Variants in SUPT3H observed in about 807,000 individuals in gnomAD.
SUPT3H encodes the protein transcription initiation protein SPT3 homolog.
A neutral mutation model predicts 44.3 loss-of-function variants in SUPT3H; 44 were observed. The observed-to-expected ratio is 0.99, with a 90% CI of 0.78 to 1.28. The LOEUF (loss-of-function observed/expected upper bound fraction) is 1.28. Ranked by LOEUF, SUPT3H falls within the 50% of genes most tolerant of loss-of-function variation. The pLI is 0.00. For missense variants in SUPT3H, 380 were observed against 387.1 expected (o/e 0.98, Z 0.15); for synonymous variants, 124 against 125.6 (o/e 0.99, Z 0.09).
At chr6:44,902,189 T>C (rs1379693079) in intron 10 of SUPT3H, among the ~76,000 whole-genome samples, 1 of 152,174 alleles carries the variant, frequency 6.6e-6, no homozygotes, top group Non-Finnish European at 1.5e-5. Flanking sequence ...ACCTTAAATG[T>C]AAATGGGCTA....
At chr6:44,943,195 T>G (rs76606944) in intron 9 of SUPT3H, among the ~76,000 whole-genome samples, 1 of 150,580 alleles carries the variant, frequency 6.6e-6, no homozygotes, top group Non-Finnish European at 1.5e-5. Context: ...CTATAAAAAA[T>G]CAAATAGAAA....
chr6:45,037,700 A>T (rs1188502692), intron 3 of SUPT3H, among the ~76,000 whole-genome samples: 3 of 151,278 alleles, frequency 2.0e-5, no homozygotes, highest in Non-Finnish European at 4.4e-5. Context: ...TAAAAAAATG[A>T]AAGAAATATA....
intron 2 of SUPT3H, among the ~76,000 whole-genome samples, chr6:45,330,824 A>G (rs1431966969): frequency 6.6e-6 from 1 of 151,876 alleles, no homozygotes; most frequent in African/African-American, 2.4e-5. Context: ...TGAATAGAGA[A>G]CTTAACATCA....
intron 2 of SUPT3H, among the ~76,000 whole-genome samples, chr6:45,242,049 T>A (rs1770445954): frequency 6.6e-6 from 1 of 152,190 alleles, no homozygotes; most frequent in African/African-American, 2.4e-5. Context: ...TCCAGACAGT[T>A]CCACTTGTGG....
chr6:45,199,935 C>A (rs1285019), intron 2 of SUPT3H, among the ~76,000 whole-genome samples: 1 of 151,008 alleles, frequency 6.6e-6, no homozygotes, highest in Non-Finnish European at 1.5e-5. Flanking sequence ...TTTTTCTGTT[C>A]CAAGGAAAGT....
At chr6:45,083,935 G>C (rs1429350911) in intron 3 of SUPT3H, among the ~76,000 whole-genome samples, 2 of 152,168 alleles carry the variant, frequency 1.3e-5, no homozygotes, top group Non-Finnish European at 2.9e-5. Flanking sequence ...AGTTATCCCA[G>C]CACCATGCAG....
At chr6:45,190,600 C>T (rs900032205) in intron 2 of SUPT3H, among the ~76,000 whole-genome samples, 5 of 151,598 alleles carry the variant, frequency 3.3e-5, no homozygotes, top group African/African-American at 4.8e-5. Flanking sequence ...ATTTTGAAAA[C>T]GTAGATAGTT....
intron 2 of SUPT3H, among the ~76,000 whole-genome samples, chr6:45,226,799 G>A (rs1351230579): frequency 6.6e-6 from 1 of 151,934 alleles, no homozygotes; most frequent in African/African-American, 2.4e-5. Flanking sequence ...AAAGTGCTGG[G>A]ATTACAGGCG....
At chr6:45,160,874 T>C (rs2153601101) in intron 2 of SUPT3H, among the ~76,000 whole-genome samples, 1 of 152,230 alleles carries the variant, frequency 6.6e-6, no homozygotes, top group African/African-American at 2.4e-5. Context: ...AACAGGTAAT[T>C]GATAAGTTTG....
intron 2 of SUPT3H, among the ~76,000 whole-genome samples, chr6:45,281,928 A>G (rs894314026): frequency 6.6e-6 from 1 of 152,206 alleles, no homozygotes; most frequent in African/African-American, 2.4e-5. Flanking sequence ...TTTGCTGCTC[A>G]CCAATATCTG....
intron 10 of SUPT3H, among the ~76,000 whole-genome samples, chr6:44,894,037 T>C (rs1561984584): frequency 1.4e-5 from 2 of 138,050 alleles, no homozygotes; most frequent in Non-Finnish European, 3.1e-5. Flanking sequence ...GAAGTGTCTG[T>C]TCATGTCCTT....
chr6:45,135,532 T>C (rs1281525759), intron 2 of SUPT3H, among the ~76,000 whole-genome samples: 1 of 152,248 alleles, frequency 6.6e-6, no homozygotes. Context: ...ACCTAGTTCA[T>C]CACTCTTAAA....
intron 2 of SUPT3H, among the ~76,000 whole-genome samples, chr6:45,284,186 G>A (rs1249071558): frequency 1.3e-5 from 2 of 151,884 alleles, no homozygotes; most frequent in Non-Finnish European, 2.9e-5. Flanking sequence ...TAAAACAACT[G>A]GAGAAGCAAG....
chr6:45,144,852 G>C (rs1805785922), intron 2 of SUPT3H, among the ~76,000 whole-genome samples: 1 of 151,978 alleles, frequency 6.6e-6, no homozygotes, highest in African/African-American at 2.4e-5. Context: ...TGTACACAAA[G>C]CAGTAGCACT....
chr6:45,287,690 G>A (rs1262715650), intron 2 of SUPT3H, among the ~76,000 whole-genome samples: 2 of 152,152 alleles, frequency 1.3e-5, no homozygotes, highest in Non-Finnish European at 2.9e-5. Flanking sequence ...ATGAATAGGT[G>A]TAATGATTAT....
At chr6:45,034,777 T>A (rs2153526467) in intron 3 of SUPT3H, among the ~76,000 whole-genome samples, 1 of 152,334 alleles carries the variant, frequency 6.6e-6, no homozygotes, top group African/African-American at 2.4e-5. Flanking sequence ...AAAACCTTGT[T>A]AGGTGATGTC....
At chr6:44,829,895 T>TGAA (rs1768308750) in intron 10 of SUPT3H, 38 bp from the exon 11 acceptor site, 1 of 1,607,500 alleles carries the variant, frequency 6.2e-7, no homozygotes, top group Non-Finnish European at 8.5e-7. Context: ...AATTATCACA[T>TGAA]GAAGTCAAAC....
At chr6:45,131,984 T>C (rs1803537882) in intron 2 of SUPT3H, among the ~76,000 whole-genome samples, 1 of 152,168 alleles carries the variant, frequency 6.6e-6, no homozygotes, top group African/African-American at 2.4e-5. Flanking sequence ...CATAATAAAG[T>C]TCAATTTATA....
intron 3 of SUPT3H, among the ~76,000 whole-genome samples, chr6:45,025,239 G>A (rs933482778): frequency 2.4e-4 from 36 of 152,090 alleles, no homozygotes; most frequent in Non-Finnish European, 4.3e-4. Flanking sequence ...AGAAAAATAA[G>A]ATGTATGATT....
Sources: gnomAD v4.1 joint callset for allele counts (sites outside exome capture counted in the v4.1 genomes callset) on GRCh38, gnomAD v4.1.1 for gene constraint, MANE v1.5 for transcripts, NCBI Gene and HGNC (gene_info 2026-07-23, HGNC 2026-07-21) for gene names.